The following TIMM44 variants were observed in gnomAD, a reference collection of about 807,000 sequenced individuals.
TIMM44 encodes translocase of inner mitochondrial membrane 44, also known as mitochondrial import inner membrane translocase subunit TIM44.
A neutral mutation model predicts 63.8 loss-of-function variants in TIMM44; 37 were observed. The observed-to-expected ratio is 0.58, with a 90% CI of 0.45 to 0.76. The LOEUF is 0.76. Among genes scored for constraint, TIMM44 ranks in the 30% least tolerant of loss-of-function variants. TIMM44 has a pLI of 0.00. For synonymous variants in TIMM44, 239 were observed against 245.1 expected (o/e 0.98, Z 0.23); for missense variants, 573 against 603.8 (o/e 0.95, Z 0.54).
At chr19:7,928,294 AC>A in intron 10 of TIMM44, 128 bp from the exon 11 acceptor site, 1 of 755,362 alleles carries the variant, frequency 1.3e-6, no homozygotes, top group Non-Finnish European at 2.2e-6. Context: ...GAGGCCAAGA[AC>A]CCAGGTCCAA....
intron 2 of TIMM44, among the ~76,000 whole-genome samples, chr19:7,940,829 G>C (rs973885928): frequency 1.3e-5 from 2 of 152,042 alleles, no homozygotes; most frequent in African/African-American, 4.8e-5. Flanking sequence ...GTTCAATACA[G>C]GGGTCTCTTC....
At position 7,934,133 on chromosome 19, in the gene TIMM44, C is replaced by T. The variant is rs757164029; in HGVS notation, c.499G>A (p.Gly167Arg). 22 of 1,613,414 alleles carry T rather than the reference C, an allele frequency of 1.4e-5. No individual in the cohort carries two copies. The highest frequency in any genetic ancestry group is 2.2e-5 in the East Asian group (1 of 44,884). Residue 167 changes from glycine (G) to arginine (R), a missense_variant, in exon 5 of 13, where the codon GGG becomes AGG. Gly to Arg is a moderately radical substitution (Grantham distance 125). Coordinates refer to ENST00000270538, the MANE Select transcript of TIMM44 (RefSeq NM_006351.4). The surrounding 1 kb of genome is among the most constrained non-coding windows in gnomAD (Gnocchi z 5.3). ...KQSAESVSKG[G>R]EKLGRTAAFR... Reference sequence around the variant, plus strand: ...GCCGCTGTCCTGCCCAGCTTCTCCCCGCCTTTGGATACCGACTCGGCCGAC... The same window carrying T: ...GCCGCTGTCCTGCCCAGCTTCTCCCTGCCTTTGGATACCGACTCGGCCGAC...
intron 11 of TIMM44, 104 bp downstream of exon 11, chr19:7,927,973 C>T: frequency 8.1e-7 from 1 of 1,236,012 alleles, no homozygotes; most frequent in Non-Finnish European, 1.2e-6. Context: ...CCTCTTGGAT[C>T]AGCCCATGGC....
intron 1 of TIMM44, 65 bp from the exon 2 acceptor site, chr19:7,941,262 C>T (rs991170042): frequency 3.1e-6 from 4 of 1,296,794 alleles, no homozygotes; most frequent in Non-Finnish European, 4.5e-6. Context: ...GTAAGCAGAC[C>T]ACACACAAAA....
chr19:7,929,242 A>C (rs1020283173), intron 10 of TIMM44, among the ~76,000 whole-genome samples: 1 of 152,194 alleles, frequency 6.6e-6, no homozygotes, highest in African/African-American at 2.4e-5. Flanking sequence ...TGGGGCAGAC[A>C]GCTAGACCAG....
chr19:7,941,000 G>A, intron 2 of TIMM44, 102 bp downstream of exon 2: 3 of 921,286 alleles, frequency 3.3e-6, no homozygotes, highest in East Asian at 4.9e-5. Flanking sequence ...CACCGAGATG[G>A]TACGAGCCAC....
Position 7,928,086 on chromosome 19 carries a change from G to C in TIMM44, c.1119C>G (p.Asp373Glu). ...ACTGCGAGGTGCTTACGTCGACGTT[G>C]TCAATGTCTAGGATGCGAGAATGGA... is the stretch of plus-strand genomic sequence containing the variant. ...LQFHSRILDI[D>E]NVDLAMGKMM... The change falls in exon 11 of 13, where the codon GAC (aspartate) becomes GAG (glutamate). Residue 373 changes from aspartate (D) to glutamate (E), a missense_variant. Physicochemically the swap from Asp to Glu is conservative, Grantham distance 45 (BLOSUM62 2). Coordinates refer to ENST00000270538, the MANE Select transcript of TIMM44 (RefSeq NM_006351.4). 2 of 1,613,918 alleles carry C rather than the reference G, an allele frequency of 1.2e-6. No individual in the cohort carries two copies. Among genetic ancestry groups the C allele is most frequent in the East Asian group, 2.2e-5 (1 of 44,876 alleles).
intron 12 of TIMM44, 115 bp from the exon 13 acceptor site, chr19:7,927,421 G>A: frequency 7.5e-7 from 1 of 1,336,116 alleles, no homozygotes; most frequent in Non-Finnish European, 1.1e-6. Flanking sequence ...CAGGGGCTGG[G>A]AGCAGAGGCC....
chr19:7,940,247 G>C (rs1176605060), intron 2 of TIMM44, among the ~76,000 whole-genome samples: 1 of 149,316 alleles, frequency 6.7e-6, no homozygotes, highest in Non-Finnish European at 1.5e-5. Flanking sequence ...AAAAAAAAAA[G>C]CCCAGTGCTG....
In TIMM44 at chr19:7,934,381, G is replaced by T; in HGVS notation, c.394-143C>A. 9.1e-7 allele frequency: 1 copy of T among 1,103,064 alleles called. No homozygotes were observed. Among genetic ancestry groups the T allele is most frequent in the East Asian group, 2.4e-5 (1 of 41,230 alleles). The allele number at this position is 1,103,064 out of a possible 1,614,324, so 68.3% of individuals were successfully genotyped here. ...GAGGCCTTCTGTGCTCCTGTGGTAC[G>T]CGGCACCCCCAGAGCCATGAGCACA... is the stretch of plus-strand genomic sequence containing the variant. On this transcript the variant is annotated intron_variant, in intron 4 of 12. Transcript: ENST00000270538. This position sits in a 1 kb window ranked among gnomAD's most constrained non-coding sequence, Gnocchi z 5.3.
intron 2 of TIMM44, among the ~76,000 whole-genome samples, chr19:7,939,422 A>C (rs180972395): frequency 3.4e-5 from 5 of 149,220 alleles, no homozygotes; most frequent in Admixed American, 6.6e-5. Context: ...GACCAGCCTG[A>C]CCAACATAGT....
intron 2 of TIMM44, among the ~76,000 whole-genome samples, chr19:7,940,290 G>C (rs1427163495): frequency 6.6e-6 from 1 of 151,318 alleles, no homozygotes; most frequent in Non-Finnish European, 1.5e-5. Context: ...CCTCCTGTCA[G>C]CAGGCTGCAG....
intron 10 of TIMM44, among the ~76,000 whole-genome samples, chr19:7,930,554 C>T (rs1983952091): frequency 6.6e-6 from 1 of 152,082 alleles, no homozygotes; most frequent in South Asian, 2.1e-4. Context: ...CAATCGCCTG[C>T]CTTGGCATCC....
intron 9 of TIMM44, 62 bp downstream of exon 9, chr19:7,932,565 C>T (rs1048656906): frequency 1.1e-5 from 18 of 1,583,952 alleles, no homozygotes; most frequent in African/African-American, 9.4e-5. Flanking sequence ...CCGGCTGCGG[C>T]GGGGGAGGTG....
intron 3 of TIMM44, among the ~76,000 whole-genome samples, chr19:7,936,166 C>T (rs1386329127): frequency 6.6e-6 from 1 of 151,774 alleles, no homozygotes; most frequent in Non-Finnish European, 1.5e-5. Context: ...AAAAACCAAA[C>T]TAGGCTGGGC....
chr19:7,934,620 A>C lies in TIMM44; in HGVS notation c.394-382T>G, dbSNP rs2145176967. 6.6e-6 allele frequency among the ~76,000 whole-genome samples: 1 copy of C among 152,270 alleles called. No individual in the cohort carries two copies. The highest frequency in any genetic ancestry group is 2.1e-4 in the South Asian group (1 of 4,824). ...TCTGGAGACCCGGGAACTGCCTGGC[A>C]GCAAGGATTCCCAAGGAGGGGACCC... On this transcript the variant is annotated intron_variant, in intron 4 of 12. Coordinates refer to ENST00000270538, the MANE Select transcript of TIMM44 (RefSeq NM_006351.4). This position sits in a 1 kb window ranked among gnomAD's most constrained non-coding sequence, Gnocchi z 5.3.
chr19:7,936,138 G>A (rs190894126), intron 3 of TIMM44, among the ~76,000 whole-genome samples: 1 of 152,174 alleles, frequency 6.6e-6, no homozygotes, highest in African/African-American at 2.4e-5. Context: ...CAGGGTGACA[G>A]AGCAAGACCC....
chr19:7,941,301 A>ATTTT, intron 1 of TIMM44, 104 bp from the exon 2 acceptor site: 5 of 666,828 alleles, frequency 7.5e-6, no homozygotes, highest in East Asian at 3.0e-5. Context: ...CTCACTGGCC[A>ATTTT]TTTTTTTTTT....
chr19:7,938,082 T>C lies in TIMM44; in HGVS notation c.257A>G (p.Asp86Gly), dbSNP rs1186664355. The change falls in exon 3 of 13, where the codon GAC (aspartate) becomes GGC (glycine). Residue 86 changes from aspartate to glycine, a missense_variant. By Grantham distance (94) the Asp-to-Gly change is moderately conservative. Coordinates refer to ENST00000270538, the MANE Select transcript of TIMM44 (RefSeq NM_006351.4). Reference sequence around the variant, plus strand: ...TGATTCTTCTAGCCTTCTGGCCTCGTCACGGAATTTTTTTATACTTTCTTT... The same window carrying C: ...TGATTCTTCTAGCCTTCTGGCCTCGCCACGGAATTTTTTTATACTTTCTTT... ...EMKESIKKFR[D>G]EARRLEESDV... The C allele has an allele frequency of 1.2e-6, 2 of 1,614,158 alleles. No individual in the cohort carries two copies. The highest frequency in any genetic ancestry group is 2.2e-5 in the South Asian group (2 of 91,088).
Sources: allele counts gnomAD v4.1 joint callset (sites outside exome capture counted in the v4.1 genomes callset), GRCh38; gene constraint gnomAD v4.1.1; non-coding constraint Gnocchi (gnomAD v3.1); transcripts MANE v1.5; gene names NCBI Gene and HGNC (gene_info 2026-07-23, HGNC 2026-07-21).